The following RHOG variants were observed in gnomAD, a reference collection of about 807,000 sequenced individuals.
RHOG encodes rho-related GTP-binding protein RhoG.
In RHOG, 1 loss-of-function variant was observed where a neutral mutation model predicts 12.3. The observed-to-expected ratio is 0.08, with a 90% confidence interval of 0.03 to 0.39. The LOEUF (loss-of-function observed/expected upper bound fraction) is 0.39, where lower values mean the gene tolerates loss of function less well. Ranked by LOEUF, RHOG falls within the 10% of genes least tolerant of loss-of-function variation. The probability of loss-of-function intolerance (pLI) is 0.99; values close to 1 mark genes in which losing one functional copy is unlikely to be tolerated. For missense variants in RHOG, 114 were observed against 266.2 expected, an observed-to-expected ratio of 0.43 and a Z score of 3.98; for synonymous variants, 129 against 116.0, an observed-to-expected ratio of 1.11 and a Z score of -0.72.
chr11:3,840,436 C>G (rs905556137), intron 1 of RHOG: 2 of 152,484 alleles, frequency 1.3e-5, no homozygotes, highest in Non-Finnish European at 2.9e-5. Flanking sequence ...CTTTCGGAGG[C>G]CCCAGACACC....
chr11:3,827,438 C>T lies in RHOG; in HGVS notation c.*125G>A. 1.4e-6 allele frequency: 1 copy of T among 739,874 alleles called. No homozygotes were observed. The allele number at this position is 739,874 out of a possible 1,614,324, so 45.8% of individuals were successfully genotyped here. ...AGAAAAAGGCACTCAGAGAAAAAGG[C>T]ATTCAGGGAACCCCCTGGAAAGGGG... On this transcript the variant is annotated 3_prime_UTR_variant, in exon 2 of 2. Transcript: ENST00000351018. This position sits in a 1 kb window ranked among gnomAD's most constrained non-coding sequence, Gnocchi z 7.3.
intron 1 of RHOG, among the ~76,000 whole-genome samples, chr11:3,830,992 A>C (rs776548679): frequency 6.6e-6 from 1 of 151,952 alleles, no homozygotes; most frequent in Non-Finnish European, 1.5e-5. Flanking sequence ...GTCTCCCACA[A>C]CCAGGGCCTG....
At chr11:3,836,683 G>A (rs2090158830) in intron 1 of RHOG, among the ~76,000 whole-genome samples, 1 of 151,772 alleles carries the variant, frequency 6.6e-6, no homozygotes. Flanking sequence ...CAGATCACTT[G>A]AGGTCAGGAA....
At chr11:3,836,569 T>C (rs1033519055) in intron 1 of RHOG, among the ~76,000 whole-genome samples, 1 of 151,732 alleles carries the variant, frequency 6.6e-6, no homozygotes, top group African/African-American at 2.4e-5. Flanking sequence ...CCCAACCTTC[T>C]TCCCTCACTG....
At position 3,827,803 on chromosome 11, in the gene RHOG, C is replaced by G. The variant is rs760108513; in HGVS notation, c.336G>C (p.Leu112=). ...CHHCPDVPIL[L]VGTKKDLRAQ... is the part of the protein sequence containing the mutation. Reference sequence around the variant, plus strand: ...CTCTCAGGTCCTTCTTGGTGCCCACCAGCAGGATGGGCACATCAGGGCAGT... The same window carrying G: ...CTCTCAGGTCCTTCTTGGTGCCCACGAGCAGGATGGGCACATCAGGGCAGT... The change falls in exon 2 of 2, where the codon CTG becomes CTC. Residue 112 remains leucine (L), a synonymous_variant. Coordinates refer to ENST00000351018, the MANE Select transcript of RHOG (RefSeq NM_001665.4). This position sits in a 1 kb window ranked among gnomAD's most constrained non-coding sequence, Gnocchi z 7.3. 3.0e-5 allele frequency: 49 copies of G among 1,613,764 alleles called. No homozygotes were observed. The highest frequency in any genetic ancestry group is 1.6e-4 in the Middle Eastern group (1 of 6,084).
intron 1 of RHOG, among the ~76,000 whole-genome samples, chr11:3,832,415 C>T (rs1590477291): frequency 6.6e-6 from 1 of 152,188 alleles, no homozygotes; most frequent in African/African-American, 2.4e-5. Context: ...ACTGTGTGAC[C>T]TTGATCAGGT....
rs2135130563 is a variant in RHOG, at chr11:3,827,373, G to T, written c.*190C>A. ...ACCCAGTGTTCCCAAGCAGAGGGGG[G>T]CAGAGCCCAAAGCCCCTTTCTCTGC... On this transcript the variant is annotated 3_prime_UTR_variant, in exon 2 of 2. Transcript: ENST00000351018. The surrounding 1 kb of genome is among the most constrained non-coding windows in gnomAD (Gnocchi z 7.3). 3.3e-6 allele frequency: 2 copies of T among 598,836 alleles called. No homozygotes were observed. Among genetic ancestry groups the T allele is most frequent in the East Asian group, 2.8e-5 (1 of 36,008 alleles). 37.1% of individuals were successfully genotyped at this position (598,836 alleles called of 1,614,324 possible). A position where few individuals can be genotyped will look rare whatever the true frequency, so the allele number is the denominator to read the frequency against.
intron 1 of RHOG, among the ~76,000 whole-genome samples, chr11:3,830,314 A>C (rs1413268482): frequency 3.3e-5 from 5 of 152,142 alleles, no homozygotes; most frequent in Non-Finnish European, 7.4e-5. Context: ...CAATTTTCTC[A>C]TCTGTAAAAT....
At chr11:3,838,404 G>A (rs1018082437) in intron 1 of RHOG, among the ~76,000 whole-genome samples, 8 of 152,100 alleles carry the variant, frequency 5.3e-5, no homozygotes, top group African/African-American at 9.7e-5. Flanking sequence ...GCTCAGTTAC[G>A]CAGAATACTA....
At chr11:3,829,411 C>T (rs974989388) in intron 1 of RHOG, among the ~76,000 whole-genome samples, 1 of 151,718 alleles carries the variant, frequency 6.6e-6, no homozygotes, top group Non-Finnish European at 1.5e-5. Context: ...CCACTGCATC[C>T]GGCTAATTTT....
Position 3,827,466 on chromosome 11 carries a change from C to A in RHOG, c.*97G>T. 1.0e-6 allele frequency: 1 copy of A among 995,262 alleles called. No homozygotes were observed. The highest frequency in any genetic ancestry group is 1.6e-5 in the South Asian group (1 of 63,882). The allele number at this position is 995,262 out of a possible 1,614,324, so 61.7% of individuals were successfully genotyped here. A position where few individuals can be genotyped will look rare whatever the true frequency, so the allele number is the denominator to read the frequency against. ...TCAGGGAACCCCCTGGAAAGGGGTG[C>A]CAGAATTAGTCCTTAAGGCACAGCT... On this transcript the variant is annotated 3_prime_UTR_variant, in exon 2 of 2. Coordinates refer to ENST00000351018, the MANE Select transcript of RHOG (RefSeq NM_001665.4). The surrounding 1 kb of genome is among the most constrained non-coding windows in gnomAD (Gnocchi z 7.3).
intron 1 of RHOG, among the ~76,000 whole-genome samples, chr11:3,830,131 T>C (rs1356364463): frequency 1.3e-5 from 2 of 152,188 alleles, no homozygotes; most frequent in South Asian, 2.1e-4. Flanking sequence ...CTTCTGTCCA[T>C]TTCCTGAGAT....
At chr11:3,831,906 G>T (rs1032781782) in intron 1 of RHOG, among the ~76,000 whole-genome samples, 3 of 152,176 alleles carry the variant, frequency 2.0e-5, no homozygotes, top group Admixed American at 2.0e-4. Context: ...CTGTCACAAG[G>T]CCCAAGAGAC....
At position 3,827,155 on chromosome 11, in the gene RHOG, G is replaced by A; in HGVS notation, c.*408C>T. On this transcript the variant is annotated 3_prime_UTR_variant, in exon 2 of 2. Transcript: ENST00000351018. This position sits in a 1 kb window ranked among gnomAD's most constrained non-coding sequence, Gnocchi z 7.3. ...TGGAGAAGGGAGAGAGCATCTTGGG[G>A]GCGCAATTCCAAGAGCAGCGAGGGC... The A allele has an allele frequency of 4.9e-6, 1 of 204,470 alleles. No individual in the cohort carries two copies. Among genetic ancestry groups the A allele is most frequent in the Non-Finnish European group, 1.0e-5 (1 of 99,372 alleles). The allele number at this position is 204,470 out of a possible 1,614,324, so 12.7% of individuals were successfully genotyped here. A position where few individuals can be genotyped will look rare whatever the true frequency, so the allele number is the denominator to read the frequency against.
At chr11:3,830,054 A>C (rs897460966) in intron 1 of RHOG, among the ~76,000 whole-genome samples, 1 of 152,160 alleles carries the variant, frequency 6.6e-6, no homozygotes. Flanking sequence ...GCCTGGAGCA[A>C]ATCTTTCAGG....
intron 1 of RHOG, among the ~76,000 whole-genome samples, chr11:3,828,950 A>G (rs1343098116): frequency 1.3e-5 from 2 of 151,474 alleles, no homozygotes; most frequent in Admixed American, 1.3e-4. Context: ...TCCAGGCTAT[A>G]CAGACACAAA....
rs866496985 is a variant in RHOG at position 3,840,928 on chromosome 11, G to C, written c.-103C>G. 1 of 152,068 alleles carries C rather than the reference G, an allele frequency of 6.6e-6. No homozygotes were observed. The highest frequency in any genetic ancestry group is 2.1e-4 in the South Asian group (1 of 4,842). 9.4% of individuals were successfully genotyped at this position (152,068 alleles called of 1,614,324 possible). ...TCCCCGAGGCGGGGGAGCTGGGGGC[G>C]GCGGCAGCGGCTCCGGGCTCGAGAA... On this transcript the variant is annotated 5_prime_UTR_variant, in exon 1 of 2. Coordinates refer to ENST00000351018, the MANE Select transcript of RHOG (RefSeq NM_001665.4).
intron 1 of RHOG, among the ~76,000 whole-genome samples, 167 bp from the exon 2 acceptor site, chr11:3,828,373 G>T (rs2090102481): frequency 6.6e-6 from 1 of 152,196 alleles, no homozygotes; most frequent in South Asian, 2.1e-4. Flanking sequence ...AAGGCCCTGA[G>T]GCCAAGCAAA....
At chr11:3,828,679 A>T (rs11029967) in intron 1 of RHOG, among the ~76,000 whole-genome samples, 2 of 141,960 alleles carry the variant, frequency 1.4e-5, no homozygotes, top group African/African-American at 2.7e-5. Context: ...GCTGGAGTGC[A>T]GTGGCGTCAT....
Sources: allele counts gnomAD v4.1 joint callset (sites outside exome capture counted in the v4.1 genomes callset), GRCh38; gene constraint gnomAD v4.1.1; non-coding constraint Gnocchi (gnomAD v3.1); transcripts MANE v1.5; gene names NCBI Gene and HGNC (gene_info 2026-07-23, HGNC 2026-07-21).